Variants in ZHX1 observed in about 807,000 individuals in gnomAD.
ZHX1 encodes the protein zinc fingers and homeoboxes 1.
ZHX1 carries 20 observed loss-of-function variants against 61.8 expected under a neutral mutation model. That is an observed-to-expected ratio of 0.32 (90% confidence interval 0.23 to 0.47). ZHX1 has a LOEUF of 0.47. ZHX1 is among the 20% of genes least tolerant of loss of function. The pLI is 1.00. For synonymous variants in ZHX1, 318 were observed against 352.6 expected (o/e 0.90, Z 1.10); for missense variants, 800 against 1,034.8 (o/e 0.77, Z 3.11).
At chr8:123,257,084 A>T (rs1826094034) in intron 2 of ZHX1, 1 of 151,792 alleles carries the variant, frequency 6.6e-6, no homozygotes, top group African/African-American at 2.4e-5. Context: ...ACGCCTGGCT[A>T]ATTTTTGTAG....
chr8:123,259,971 C>T (rs1045906185), intron 2 of ZHX1, among the ~76,000 whole-genome samples: 1 of 152,014 alleles, frequency 6.6e-6, no homozygotes. Context: ...TCCTAGCCAA[C>T]AGTGAAACCC....
chr8:123,264,529 T>C (rs1186636723), intron 2 of ZHX1, among the ~76,000 whole-genome samples: 2 of 152,148 alleles, frequency 1.3e-5, no homozygotes, highest in Admixed American at 6.5e-5. Flanking sequence ...CACAAAAGCA[T>C]GCTATTTGGT....
chr8:123,257,448 G>A (rs550105736), intron 2 of ZHX1, among the ~76,000 whole-genome samples: 2 of 152,234 alleles, frequency 1.3e-5, no homozygotes, highest in Admixed American at 1.3e-4. Context: ...GACATTCAAT[G>A]CACTTTCAGA....
rs1255641588 is a variant in ZHX1, at chr8:123,254,407, C to CA, written c.1539dup (p.Asp514Ter). ...GAATTTCTCTGGTTGTACCTTGTGT[C>CA]ACTAAACCATTTTTTAATCTCTCCT... is the stretch of plus-strand genomic sequence containing the variant. On this transcript the variant is annotated frameshift_variant, in exon 3 of 4. Transcript: ENST00000395571. LOFTEE classifies it high-confidence loss of function. The surrounding 1 kb of genome is among the most constrained non-coding windows in gnomAD (Gnocchi z 4.1). The CA allele has an allele frequency of 6.2e-7, 1 of 1,614,028 alleles. No individual in the cohort carries two copies. The highest frequency in any genetic ancestry group is 8.5e-7 in the Non-Finnish European group (1 of 1,180,016).
At chr8:123,251,657 CAAT>C (rs1825923035) in intron 3 of ZHX1, among the ~76,000 whole-genome samples, 1 of 151,880 alleles carries the variant, frequency 6.6e-6, no homozygotes, top group Non-Finnish European at 1.5e-5. Context: ...TTGTGTTTAG[CAAT>C]AAAAAAAATG....
At chr8:123,251,035 T>C (rs1825901819) in intron 3 of ZHX1, among the ~76,000 whole-genome samples, 2 of 152,204 alleles carry the variant, frequency 1.3e-5, no homozygotes, top group African/African-American at 4.8e-5. Flanking sequence ...ACATAACTTT[T>C]AATCAGGGAG....
rs933425574 is a variant in ZHX1, at chr8:123,250,675, A to G, written c.*4-355T>C. On this transcript the variant is annotated intron_variant, in intron 3 of 3. Transcript: ENST00000395571. ...GGTGCAAAAGATATATATGTACCTC[A>G]CTTCCTGTAATAACTATTTTGGGAA... Among the ~76,000 whole-genome samples the G allele has an allele frequency of 1.4e-4, 22 of 152,284 alleles. 1 individual carries two copies. Among genetic ancestry groups the G allele is most frequent in the African/African-American group, 5.3e-4 (22 of 41,570 alleles).
chr8:123,253,238 A>G, intron 3 of ZHX1, 84 bp downstream of exon 3: 3 of 1,167,702 alleles, frequency 2.6e-6, no homozygotes, highest in Non-Finnish European at 3.6e-6. Context: ...ATCAAAAATG[A>G]AGATGACTGA....
chr8:123,264,428 A>G (rs1198098251), intron 2 of ZHX1, among the ~76,000 whole-genome samples: 1 of 152,236 alleles, frequency 6.6e-6, no homozygotes, highest in Non-Finnish European at 1.5e-5. Context: ...CAGAGCCACA[A>G]CTGCACTGAA....
At chr8:123,262,712 A>C (rs1826313156) in intron 2 of ZHX1, 1 of 152,106 alleles carries the variant, frequency 6.6e-6, no homozygotes, top group Non-Finnish European at 1.5e-5. Flanking sequence ...CAGCTTCAAG[A>C]CCCTAAAATT....
chr8:123,274,946 G>C (rs1043714365), upstream of ZHX1, among the ~76,000 whole-genome samples: 2 of 152,112 alleles, frequency 1.3e-5, no homozygotes, highest in African/African-American at 2.4e-5. Flanking sequence ...GGAGCCCAGC[G>C]CCCTGACAGA....
chr8:123,262,607 T>C (rs1297981507), intron 2 of ZHX1, among the ~76,000 whole-genome samples: 1 of 152,202 alleles, frequency 6.6e-6, no homozygotes, highest in African/African-American at 2.4e-5. Flanking sequence ...TCTGCCTCCC[T>C]GTGTTGGGAT....
chr8:123,251,858 C>T (rs1392364320), intron 3 of ZHX1, among the ~76,000 whole-genome samples: 3 of 152,102 alleles, frequency 2.0e-5, no homozygotes, highest in Admixed American at 6.5e-5. Flanking sequence ...AAAACAGGTA[C>T]ATTTTTAGTT....
intron 2 of ZHX1, among the ~76,000 whole-genome samples, chr8:123,260,519 A>G (rs1586827590): frequency 6.6e-6 from 1 of 150,924 alleles, no homozygotes; most frequent in East Asian, 2.0e-4. Context: ...AATCACTTGA[A>G]CTCGGGAGGT....
chr8:123,271,756 T>A (rs1826660830), intron 1 of ZHX1, among the ~76,000 whole-genome samples: 1 of 152,124 alleles, frequency 6.6e-6, no homozygotes, highest in South Asian at 2.1e-4. Context: ...ATTTCGCTAA[T>A]AACTGTAAAA....
Position 123,259,753 on chromosome 8 carries a change from T to C in ZHX1, c.-225-3582A>G, listed in dbSNP as rs188952902. 2.6e-5 allele frequency among the ~76,000 whole-genome samples: 4 copies of C among 152,112 alleles called. No homozygotes were observed. In the East Asian group the frequency reaches 7.7e-4, roughly 29 times the overall value. The stretch of plus-strand genomic sequence containing the variant: ...AATAATAGTTGGAAGGCAAGAGGGT[T>C]TCTTTCTGAAACTTTTTCCTCAAAG... On this transcript the variant is annotated intron_variant, in intron 2 of 3. Coordinates refer to ENST00000395571, the MANE Select transcript of ZHX1 (RefSeq NM_007222.5).
In ZHX1 at chr8:123,255,410, A is replaced by T. The variant is rs375935655; in HGVS notation, c.537T>A (p.Ser179Arg). Residue 179 changes from serine (S) to arginine (R), a missense_variant, in exon 3 of 4, where the codon AGT becomes AGA. Coordinates refer to ENST00000395571, the MANE Select transcript of ZHX1 (RefSeq NM_007222.5). ...TCATCATTTTCATGATAGGAGTTTT[A>T]CTGATAGATATTCCCGAAGAAGAAA... is the stretch of plus-strand genomic sequence containing the variant. ...TEVSSSGISISKTPIMKMMKN... is the reference protein window; with the variant it reads ...TEVSSSGISIRKTPIMKMMKN... 10 of 1,613,396 alleles carry T rather than the reference A, an allele frequency of 6.2e-6. No individual in the cohort carries two copies. The African/African-American group carries it at 1.3e-4, about 22-fold the overall frequency.
In ZHX1 at chr8:123,261,378, C is replaced by T. The variant is rs539953639; in HGVS notation, c.-225-5207G>A. On this transcript the variant is annotated intron_variant, in intron 2 of 3. Coordinates refer to ENST00000395571, the MANE Select transcript of ZHX1 (RefSeq NM_007222.5). ...GTAAAGCCACAGGTTTTGCAGTCAC[C>T]TCTGTCAATTAGTAGTTAGGTGCCT... Among the ~76,000 whole-genome samples, 186 of 152,216 alleles carry T rather than the reference C, an allele frequency of 1.2e-3. 1 individual carries two copies. Among genetic ancestry groups the T allele is most frequent in the African/African-American group, 4.3e-3 (177 of 41,532 alleles).
chr8:123,268,615 C>T (rs942857300), intron 1 of ZHX1, among the ~76,000 whole-genome samples: 1 of 152,082 alleles, frequency 6.6e-6, no homozygotes, highest in East Asian at 1.9e-4. Flanking sequence ...CCTCAGCCTC[C>T]CGAGTAGCTG....
Sources: allele counts gnomAD v4.1 joint callset (sites outside exome capture counted in the v4.1 genomes callset), GRCh38; gene constraint gnomAD v4.1.1; non-coding constraint Gnocchi (gnomAD v3.1); transcripts MANE v1.5; gene names NCBI Gene and HGNC (gene_info 2026-07-23, HGNC 2026-07-21).